Variants in AGFG2 observed in about 807,000 individuals in gnomAD.
AGFG2 encodes the protein ArfGAP with FG repeats 2, also known as arf-GAP domain and FG repeat-containing protein 2.
In AGFG2, 31 loss-of-function variants were observed where a neutral mutation model predicts 48.0. The ratio of observed to expected loss-of-function variants is 0.65; its 90% CI spans 0.49 to 0.87. The LOEUF (loss-of-function observed/expected upper bound fraction) is 0.87, where lower values mean the gene tolerates loss of function less well. Ranked by LOEUF, AGFG2 falls within the 40% of genes least tolerant of loss-of-function variation. The probability of loss-of-function intolerance (pLI) is 0.00; values close to 1 mark genes in which losing one functional copy is unlikely to be tolerated. For missense variants in AGFG2, 599 were observed against 632.6 expected, an observed-to-expected ratio of 0.95 and a Z score of 0.57; for synonymous variants, 229 against 260.8, an observed-to-expected ratio of 0.88 and a Z score of 1.18.
intron 3 of AGFG2, among the ~76,000 whole-genome samples, chr7:100,551,269 C>T (rs902245938): frequency 6.6e-6 from 1 of 150,862 alleles, no homozygotes; most frequent in Non-Finnish European, 1.5e-5. Flanking sequence ...CGGAGTTTCA[C>T]CGTGTTAGCC....
intron 6 of AGFG2, among the ~76,000 whole-genome samples, chr7:100,558,495 C>T (rs1345355724): frequency 6.6e-6 from 1 of 151,790 alleles, no homozygotes; most frequent in African/African-American, 2.4e-5. Flanking sequence ...AAATGCCTTC[C>T]CAGTACAATT....
intron 1 of AGFG2, among the ~76,000 whole-genome samples, chr7:100,540,654 A>C (rs1002243940): frequency 2.0e-5 from 3 of 152,164 alleles, no homozygotes; most frequent in Non-Finnish European, 4.4e-5. Context: ...AAGTTTGTCA[A>C]GGGATTTATT....
intron 5 of AGFG2, among the ~76,000 whole-genome samples, 191 bp from the exon 6 acceptor site, chr7:100,555,419 A>C (rs749892117): frequency 5.9e-5 from 9 of 151,744 alleles, no homozygotes; most frequent in Admixed American, 1.3e-4. Context: ...GATTACAGGC[A>C]TGTACCACCA....
intron 2 of AGFG2, among the ~76,000 whole-genome samples, chr7:100,549,506 G>C (rs1800581061): frequency 6.6e-6 from 1 of 152,018 alleles, no homozygotes; most frequent in Admixed American, 6.5e-5. Flanking sequence ...TAATTCTCAT[G>C]GCCCTCTATT....
At chr7:100,560,162 G>T (rs892171881) in intron 6 of AGFG2, among the ~76,000 whole-genome samples, 1 of 151,748 alleles carries the variant, frequency 6.6e-6, no homozygotes, top group African/African-American at 2.4e-5. Flanking sequence ...GTCAGTAGAG[G>T]ATCCAACACC....
chr7:100,540,453 C>T (rs1434309574), intron 1 of AGFG2, among the ~76,000 whole-genome samples: 1 of 152,096 alleles, frequency 6.6e-6, no homozygotes, highest in African/African-American at 2.4e-5. Context: ...CATCTGAGTG[C>T]TACTCTTGGC....
chr7:100,542,769 AGAT>A (rs1800445773), intron 1 of AGFG2, among the ~76,000 whole-genome samples: 3 of 152,162 alleles, frequency 2.0e-5, no homozygotes, highest in African/African-American at 7.2e-5. Context: ...GATTACCTGT[AGAT>A]TAGGGTTTGG....
rs200561161 is a variant in AGFG2, at chr7:100,562,645, C to T, written c.1050C>T (p.Gly350=). ...QVPPLQSVTM[G]GGGGSSTGLA... ...CCCCGCTCCAGTCTGTCACGATGGG[C>T]GGCGGCGGCGGCAGCAGCACAGGGC... Residue 350 remains glycine (G), a synonymous_variant, in exon 8 of 12, where the codon GGC becomes GGT. Transcript: ENST00000300176. The surrounding 1 kb of genome is among the most constrained non-coding windows in gnomAD (Gnocchi z 5.4). 6.0e-5 allele frequency: 96 copies of T among 1,590,396 alleles called. No individual in the cohort carries two copies. Among genetic ancestry groups the T allele is most frequent in the African/African-American group, 2.3e-4 (17 of 74,272 alleles).
rs1309263138 is a variant in AGFG2, at chr7:100,539,639, C to G, written c.221+72C>G. On this transcript the variant is annotated intron_variant, in intron 1 of 11. Transcript: ENST00000300176. ...GGGGCGGGGTGGGGAGGCCGGGGCT[C>G]CGGGGCGCGAGGGAAGGGGGCCGAG... 10 of 1,169,168 alleles carry G rather than the reference C, an allele frequency of 8.6e-6. No individual in the cohort carries two copies. The East Asian group carries it at 2.3e-4, about 27-fold the overall frequency. The allele number at this position is 1,169,168 out of a possible 1,614,324, so 72.4% of individuals were successfully genotyped here.
chr7:100,565,613 A>G lies in AGFG2; in HGVS notation c.*622A>G, dbSNP rs1332140233. On this transcript the variant is annotated 3_prime_UTR_variant, in exon 12 of 12. Coordinates refer to ENST00000300176, the MANE Select transcript of AGFG2 (RefSeq NM_006076.5). The stretch of plus-strand genomic sequence containing the variant: ...GCTGTTGGTGTCATGTTTGGATACC[A>G]GTGTTTTATATTTATACATAGAGAG... 6.5e-6 allele frequency: 1 copy of G among 153,742 alleles called. No homozygotes were observed. Among genetic ancestry groups the G allele is most frequent in the Admixed American group, 6.5e-5 (1 of 15,372 alleles). 9.5% of individuals were successfully genotyped at this position (153,742 alleles called of 1,614,324 possible).
At chr7:100,552,217 C>G (rs1274497902) in intron 3 of AGFG2, among the ~76,000 whole-genome samples, 3 of 151,946 alleles carry the variant, frequency 2.0e-5, no homozygotes, top group Non-Finnish European at 4.4e-5. Flanking sequence ...TGTACTCTAG[C>G]CTGGGTGACA....
chr7:100,566,949 C>T lies in AGFG2; in HGVS notation c.*1958C>T, dbSNP rs1801021834. 1 of 152,428 alleles carries T rather than the reference C, an allele frequency of 6.6e-6. No individual in the cohort carries two copies. Among genetic ancestry groups the T allele is most frequent in the African/African-American group, 2.4e-5 (1 of 41,444 alleles). 9.4% of individuals were successfully genotyped at this position (152,428 alleles called of 1,614,324 possible). On this transcript the variant is annotated 3_prime_UTR_variant, in exon 12 of 12. Transcript: ENST00000300176. ...GTTATTTCCCCCCAGCTTCCATCAC[C>T]CTTCCCTTAATGCCAGGAGCGCCGA...
Position 100,547,295 on chromosome 7 carries a change from T to C in AGFG2, c.222-1527T>C, listed in dbSNP as rs576475060. Reference sequence around the variant, plus strand: ...TTTTCCCCACCTTCTTTGTGAATTTTCAGGATTTTCATCTGTTAAATATTT... The same window carrying C: ...TTTTCCCCACCTTCTTTGTGAATTTCCAGGATTTTCATCTGTTAAATATTT... On this transcript the variant is annotated intron_variant, in intron 1 of 11. Transcript: ENST00000300176. 8.7e-4 allele frequency among the ~76,000 whole-genome samples: 132 copies of C among 152,272 alleles called. 1 individual carries two copies. The highest frequency in any genetic ancestry group is 2.2e-4 in the Non-Finnish European group (15 of 68,020).
At chr7:100,547,617 A>G (rs1331528911) in intron 1 of AGFG2, among the ~76,000 whole-genome samples, 1 of 152,112 alleles carries the variant, frequency 6.6e-6, no homozygotes, top group Non-Finnish European at 1.5e-5. Flanking sequence ...CCTGTATTAG[A>G]ACACTCCTGA....
chr7:100,559,096 T>G (rs1002925277), intron 6 of AGFG2, among the ~76,000 whole-genome samples: 1 of 152,118 alleles, frequency 6.6e-6, no homozygotes, highest in Non-Finnish European at 1.5e-5. Flanking sequence ...ATTGCGCCAC[T>G]GCACTCTGGG....
chr7:100,552,734 T>C (rs573207459), intron 3 of AGFG2, among the ~76,000 whole-genome samples: 2 of 152,246 alleles, frequency 1.3e-5, no homozygotes, highest in Middle Eastern at 6.8e-3. Context: ...TGGAAGGGAA[T>C]TGTCCCGGCA....
intron 6 of AGFG2, among the ~76,000 whole-genome samples, chr7:100,561,084 G>A (rs1800860064): frequency 6.8e-6 from 1 of 147,276 alleles, no homozygotes; most frequent in Admixed American, 6.9e-5. Context: ...CTCCCAAAGT[G>A]CTAGGATTAC....
chr7:100,539,287 C>A lies in AGFG2; in HGVS notation c.-60C>A. On this transcript the variant is annotated 5_prime_UTR_variant, in exon 1 of 12. Transcript: ENST00000300176. ...GGGCGTGCGGAGGCGGCTGAGGAGGCGGGAAGGCGGCAGTGGTTGAAGGGG... is the reference window on the plus strand; with the variant it reads ...GGGCGTGCGGAGGCGGCTGAGGAGGAGGGAAGGCGGCAGTGGTTGAAGGGG... 3.2e-6 allele frequency: 4 copies of A among 1,263,982 alleles called. No homozygotes were observed. Among genetic ancestry groups the A allele is most frequent in the African/African-American group, 1.6e-5 (1 of 64,408 alleles). The allele number at this position is 1,263,982 out of a possible 1,614,324, so 78.3% of individuals were successfully genotyped here.
chr7:100,561,198 C>T (rs1800863163), intron 6 of AGFG2, among the ~76,000 whole-genome samples: 1 of 150,224 alleles, frequency 6.7e-6, no homozygotes, highest in Non-Finnish European at 1.5e-5. Context: ...GTGATCCTAG[C>T]TCACTGCAAC....
Sources: gnomAD v4.1 joint callset for allele counts (sites outside exome capture counted in the v4.1 genomes callset) on GRCh38, gnomAD v4.1.1 for gene constraint, Gnocchi (gnomAD v3.1) non-coding constraint, MANE v1.5 for transcripts, NCBI Gene and HGNC (gene_info 2026-07-23, HGNC 2026-07-21) for gene names.